Variants in KCNH7 observed in about 807,000 individuals in gnomAD.
The protein encoded by KCNH7 is potassium voltage-gated channel subfamily H member 7, also known as voltage-gated inwardly rectifying potassium channel KCNH7.
Under a neutral mutation model 120.8 loss-of-function variants are expected in KCNH7, and 49 were observed. That is an observed-to-expected ratio of 0.41 (90% CI 0.32 to 0.51). The LOEUF (loss-of-function observed/expected upper bound fraction) is 0.51. KCNH7 is among the 20% of genes least tolerant of loss of function. The pLI is 0.38. For missense variants in KCNH7, 1,097 were observed against 1,446.6 expected, an observed-to-expected ratio of 0.76 and a Z score of 3.92; for synonymous variants, 547 against 516.1, an observed-to-expected ratio of 1.06 and a Z score of -0.81.
chr2:162,518,613 G>A (rs1691402645), intron 3 of KCNH7, among the ~76,000 whole-genome samples: 1 of 151,694 alleles, frequency 6.6e-6, no homozygotes, highest in Non-Finnish European at 1.5e-5. Flanking sequence ...CAGGCAGGAA[G>A]GAAGTGAGGT....
At chr2:162,532,330 G>A (rs2105816461) in intron 3 of KCNH7, among the ~76,000 whole-genome samples, 1 of 151,998 alleles carries the variant, frequency 6.6e-6, no homozygotes, top group South Asian at 2.1e-4. Flanking sequence ...GCCTCTCACT[G>A]AGTAAGAAAT....
At chr2:162,802,058 T>C (rs1684369851) in intron 2 of KCNH7, among the ~76,000 whole-genome samples, 1 of 151,848 alleles carries the variant, frequency 6.6e-6, no homozygotes, top group Non-Finnish European at 1.5e-5. Context: ...CACAGATTCC[T>C]GGACCTTGTC....
At chr2:162,715,536 AC>A (rs1250580488) in intron 2 of KCNH7, among the ~76,000 whole-genome samples, 1 of 152,208 alleles carries the variant, frequency 6.6e-6, no homozygotes, top group Non-Finnish European at 1.5e-5. Flanking sequence ...TATGCCCTTC[AC>A]CAGGACTTTG....
Position 162,657,402 on chromosome 2 carries a change from A to G in KCNH7, c.308-120322T>C, listed in dbSNP as rs150428571. Among the ~76,000 whole-genome samples the G allele has an allele frequency of 4.1e-4, 63 of 152,232 alleles. 1 individual carries two copies. The highest frequency in any genetic ancestry group is 1.5e-3 in the African/African-American group (63 of 41,548). On this transcript the variant is annotated intron_variant, in intron 2 of 15. Coordinates refer to ENST00000332142, the MANE Select transcript of KCNH7 (RefSeq NM_033272.4). ...TTTTCCAGAATGTTTTACAGCTGTC[A>G]TCTCACAGTATGTAACCTTTTCAAA... is the stretch of plus-strand genomic sequence containing the variant.
At chr2:162,835,747 C>A (rs1312552988) in intron 2 of KCNH7, among the ~76,000 whole-genome samples, 1 of 151,780 alleles carries the variant, frequency 6.6e-6, no homozygotes, top group Non-Finnish European at 1.5e-5. Flanking sequence ...TTAAGGCATG[C>A]CTATCTATTA....
At chr2:162,654,035 A>G (rs1684657247) in intron 2 of KCNH7, among the ~76,000 whole-genome samples, 1 of 152,142 alleles carries the variant, frequency 6.6e-6, no homozygotes, top group Admixed American at 6.5e-5. Flanking sequence ...CTGGAACTCT[A>G]GAACTACCGG....
chr2:162,376,295 C>A (rs1305912606), intron 14 of KCNH7, among the ~76,000 whole-genome samples: 1 of 151,756 alleles, frequency 6.6e-6, no homozygotes. Flanking sequence ...ATAAATTGCT[C>A]TGTGTGCAAT....
At position 162,825,885 on chromosome 2, in the gene KCNH7, A is replaced by G. The variant is rs115819147; in HGVS notation, c.307+10652T>C. Reference sequence around the variant, plus strand: ...TGCTCACATGTGTGTATTTGTGTAGAAAAATTATAGCTGCACTACAAGCCA... The same window carrying G: ...TGCTCACATGTGTGTATTTGTGTAGGAAAATTATAGCTGCACTACAAGCCA... On this transcript the variant is annotated intron_variant, in intron 2 of 15. Transcript: ENST00000332142. Among the ~76,000 whole-genome samples the G allele has an allele frequency of 4.3e-3, 651 of 152,270 alleles. 6 individuals are homozygous for G. Among genetic ancestry groups the G allele is most frequent in the African/African-American group, 0.015 (607 of 41,562 alleles).
chr2:162,597,318 A>C (rs1574149690), intron 2 of KCNH7, among the ~76,000 whole-genome samples: 2 of 152,184 alleles, frequency 1.3e-5, no homozygotes, highest in Middle Eastern at 6.8e-3. Context: ...CAATTGATTA[A>C]AAACGTGGTA....
At chr2:162,492,920 T>C (rs1690368902) in intron 6 of KCNH7, among the ~76,000 whole-genome samples, 1 of 144,834 alleles carries the variant, frequency 6.9e-6, no homozygotes, top group East Asian at 2.2e-4. Flanking sequence ...CAGTCAACTG[T>C]ATTACTTTTC....
chr2:162,504,366 T>C (rs1690791489), intron 6 of KCNH7, 77 bp downstream of exon 6: 1 of 1,099,134 alleles, frequency 9.1e-7, no homozygotes, highest in African/African-American at 1.6e-5. Context: ...CAGTCATTTA[T>C]AAGAAAAAGA....
intron 2 of KCNH7, among the ~76,000 whole-genome samples, chr2:162,757,837 A>C (rs1688840341): frequency 6.6e-6 from 1 of 152,116 alleles, no homozygotes; most frequent in South Asian, 2.1e-4. Context: ...TAGTTTTTTC[A>C]ATAAAAACTG....
At chr2:162,670,769 GA>G (rs1479210355) in intron 2 of KCNH7, among the ~76,000 whole-genome samples, 1 of 150,648 alleles carries the variant, frequency 6.6e-6, no homozygotes, top group African/African-American at 2.4e-5. Flanking sequence ...AAGAAAGGTG[GA>G]AAAAAATTTC....
chr2:162,674,737 G>A (rs1335450570), intron 2 of KCNH7, among the ~76,000 whole-genome samples: 2 of 151,520 alleles, frequency 1.3e-5, no homozygotes, highest in East Asian at 1.9e-4. Context: ...GCAGATCAGT[G>A]CATAAAAAGA....
At chr2:162,605,524 G>A (rs1231152768) in intron 2 of KCNH7, among the ~76,000 whole-genome samples, 1 of 152,070 alleles carries the variant, frequency 6.6e-6, no homozygotes, top group Non-Finnish European at 1.5e-5. Flanking sequence ...CAGACACCTA[G>A]AGAATCACAA....
chr2:162,696,873 T>C (rs1686310141), intron 2 of KCNH7, among the ~76,000 whole-genome samples: 1 of 152,108 alleles, frequency 6.6e-6, no homozygotes, highest in Non-Finnish European at 1.5e-5. Context: ...ATGTTTAAAT[T>C]TATGAACTCA....
intron 6 of KCNH7, among the ~76,000 whole-genome samples, chr2:162,466,287 C>A (rs1015542689): frequency 6.6e-5 from 10 of 152,036 alleles, no homozygotes; most frequent in Non-Finnish European, 1.5e-5. Flanking sequence ...AAGAACCGCC[C>A]AAGACTGGGT....
At chr2:162,507,613 T>A (rs1425435989) in intron 5 of KCNH7, among the ~76,000 whole-genome samples, 3 of 151,570 alleles carry the variant, frequency 2.0e-5, no homozygotes, top group African/African-American at 7.2e-5. Flanking sequence ...TATTAGAGGA[T>A]GAATACATGT....
chr2:162,807,959 G>A (rs1347295709), intron 2 of KCNH7, among the ~76,000 whole-genome samples: 1 of 152,176 alleles, frequency 6.6e-6, no homozygotes, highest in Non-Finnish European at 1.5e-5. Context: ...TGGGATTACA[G>A]GCGTGAGCCA....
Sources: allele counts gnomAD v4.1 joint callset (sites outside exome capture counted in the v4.1 genomes callset), GRCh38; gene constraint gnomAD v4.1.1; transcripts MANE v1.5; gene names NCBI Gene and HGNC (gene_info 2026-07-23, HGNC 2026-07-21).